Variants in ATP8B4 observed in about 807,000 individuals in gnomAD.
ATP8B4 encodes the protein probable phospholipid-transporting ATPase IM.
Under a neutral mutation model 145.6 loss-of-function variants are expected in ATP8B4, and 133 were observed. The ratio of observed to expected loss-of-function variants is 0.91; its 90% CI spans 0.79 to 1.05. The LOEUF (loss-of-function observed/expected upper bound fraction) is 1.05. Ranked by LOEUF, ATP8B4 falls within the 50% of genes least tolerant of loss-of-function variation. ATP8B4 has a pLI of 0.00. For missense variants in ATP8B4, 1,458 were observed against 1,425.2 expected (o/e 1.02, Z -0.37); for synonymous variants, 507 against 492.9 (o/e 1.03, Z -0.38).
Position 50,073,011 on chromosome 15 carries a change from TATATATATACACACACACACAC to T in ATP8B4, c.87+1094_87+1115del, listed in dbSNP as rs1228232885. Among the ~76,000 whole-genome samples the T allele has an allele frequency of 7.9e-3, 355 of 44,778 alleles. 7 individuals carry two copies. The highest frequency in any genetic ancestry group is 0.017 in the African/African-American group (161 of 9,518). The allele number at this position is 44,778 out of a possible 152,430, so 29.4% of individuals were successfully genotyped here. ...ATATATATATATATATATATATATA[TATATATATACACACACACACAC>T]ACACACACACACACACACACTATAC... On this transcript the variant is annotated intron_variant, in intron 3 of 27. Transcript: ENST00000284509.
At chr15:50,093,342 G>A (rs914626733) in intron 2 of ATP8B4, among the ~76,000 whole-genome samples, 3 of 151,992 alleles carry the variant, frequency 2.0e-5, no homozygotes, top group African/African-American at 7.2e-5. Flanking sequence ...TTGCACTGCT[G>A]GTTTTAAAAT....
At chr15:50,020,725 C>T (rs2153580650) in intron 6 of ATP8B4, among the ~76,000 whole-genome samples, 1 of 152,284 alleles carries the variant, frequency 6.6e-6, no homozygotes, top group East Asian at 1.9e-4. Context: ...AACTAGGTTT[C>T]CTGATGCCTC....
intron 2 of ATP8B4, among the ~76,000 whole-genome samples, chr15:50,097,920 T>C (rs1418011059): frequency 6.6e-6 from 1 of 152,206 alleles, no homozygotes; most frequent in Non-Finnish European, 1.5e-5. Flanking sequence ...ATGCTCACAG[T>C]AACCTTCAGA....
At chr15:49,949,334 C>CCCATTTGT (rs2153487965) in intron 14 of ATP8B4, among the ~76,000 whole-genome samples, 1 of 152,206 alleles carries the variant, frequency 6.6e-6, no homozygotes, top group African/African-American at 2.4e-5. Context: ...TGTGTTCTCT[C>CCCATTTGT]TTATGTCCTT....
At chr15:49,980,292 A>T (rs2046040320) in intron 11 of ATP8B4, among the ~76,000 whole-genome samples, 1 of 152,184 alleles carries the variant, frequency 6.6e-6, no homozygotes, top group Admixed American at 6.5e-5. Flanking sequence ...GTTACATATC[A>T]GGTAAGCAAA....
At chr15:49,892,608 G>A (rs1192139821) in intron 23 of ATP8B4, among the ~76,000 whole-genome samples, 1 of 152,196 alleles carries the variant, frequency 6.6e-6, no homozygotes, top group Non-Finnish European at 1.5e-5. Context: ...TGTTGCTATA[G>A]AAGCATCCAT....
chr15:50,138,355 T>C (rs112823659), intron 1 of ATP8B4, among the ~76,000 whole-genome samples: 2 of 109,546 alleles, frequency 1.8e-5, no homozygotes, highest in Admixed American at 9.4e-5. Context: ...GATAGATAGA[T>C]AGATAGATAG....
chr15:49,977,835 A>G (rs533573931), intron 12 of ATP8B4, among the ~76,000 whole-genome samples: 5 of 152,296 alleles, frequency 3.3e-5, no homozygotes, highest in African/African-American at 1.2e-4. Flanking sequence ...AGAATAAAGT[A>G]ACTCAGAAAT....
At chr15:49,881,958 ACT>A (rs1194958652) in intron 23 of ATP8B4, among the ~76,000 whole-genome samples, 2 of 151,990 alleles carry the variant, frequency 1.3e-5, no homozygotes, top group Non-Finnish European at 2.9e-5. Context: ...CCTTCTCCAG[ACT>A]CTATGTTTAT....
intron 1 of ATP8B4, among the ~76,000 whole-genome samples, chr15:50,177,381 G>C (rs954810664): frequency 6.6e-6 from 1 of 152,164 alleles, no homozygotes; most frequent in Non-Finnish European, 1.5e-5. Flanking sequence ...TTCATTCCAG[G>C]AAATTGAATT....
At chr15:50,039,396 T>A (rs933688333) in intron 5 of ATP8B4, among the ~76,000 whole-genome samples, 1 of 151,188 alleles carries the variant, frequency 6.6e-6, no homozygotes, top group Admixed American at 6.6e-5. Flanking sequence ...GTGATTTATG[T>A]CCAAATGGTT....
chr15:49,861,235 C>T (rs2031653339), intron 27 of ATP8B4, among the ~76,000 whole-genome samples: 1 of 152,160 alleles, frequency 6.6e-6, no homozygotes, highest in Admixed American at 6.5e-5. Context: ...GACAAACAAG[C>T]ACATCCTTCC....
At chr15:50,063,787 G>C (rs2053191384) in intron 3 of ATP8B4, among the ~76,000 whole-genome samples, 1 of 152,156 alleles carries the variant, frequency 6.6e-6, no homozygotes, top group African/African-American at 2.4e-5. Flanking sequence ...GATTTTCCTG[G>C]AGATCTGTTT....
At chr15:49,876,978 T>C (rs572062113) in intron 24 of ATP8B4, among the ~76,000 whole-genome samples, 51 of 152,258 alleles carry the variant, frequency 3.3e-4, no homozygotes, top group Admixed American at 2.8e-3. Flanking sequence ...GGAGTCAGAA[T>C]TGTCAAATCA....
intron 3 of ATP8B4, among the ~76,000 whole-genome samples, chr15:50,072,815 T>C (rs1380466309): frequency 6.7e-6 from 1 of 149,470 alleles, no homozygotes; most frequent in Non-Finnish European, 1.5e-5. Context: ...AGAGACAGGG[T>C]TTCACCATAT....
At chr15:50,080,919 C>T (rs902147987) in intron 2 of ATP8B4, among the ~76,000 whole-genome samples, 9 of 152,112 alleles carry the variant, frequency 5.9e-5, no homozygotes, top group African/African-American at 9.7e-5. Context: ...CGAGACCATC[C>T]TGGCTAACAT....
chr15:49,887,808 A>C (rs981122360), intron 23 of ATP8B4, among the ~76,000 whole-genome samples: 1 of 152,222 alleles, frequency 6.6e-6, no homozygotes, highest in Non-Finnish European at 1.5e-5. Context: ...CTCCAGCTAC[A>C]AATTACAATC....
intron 6 of ATP8B4, among the ~76,000 whole-genome samples, chr15:50,032,160 T>C (rs947075994): frequency 2.6e-5 from 4 of 152,114 alleles, no homozygotes; most frequent in African/African-American, 4.8e-5. Flanking sequence ...CATTAGGTAT[T>C]TGTCCTAATG....
At chr15:49,867,532 C>A (rs2033003169) in intron 25 of ATP8B4, among the ~76,000 whole-genome samples, 1 of 152,216 alleles carries the variant, frequency 6.6e-6, no homozygotes, top group Non-Finnish European at 1.5e-5. Flanking sequence ...CTTTCCAGTT[C>A]ATTTGGCTGC....
Sources: gnomAD v4.1 joint callset for allele counts (sites outside exome capture counted in the v4.1 genomes callset) on GRCh38, gnomAD v4.1.1 for gene constraint, MANE v1.5 for transcripts, NCBI Gene and HGNC (gene_info 2026-07-23, HGNC 2026-07-21) for gene names.